MAP4K4: variants seen among roughly 807,000 people sequenced by gnomAD.
MAP4K4 encodes the protein HPK/GCK-like kinase HGK.
Under a neutral mutation model 189.6 loss-of-function variants are expected in MAP4K4, and 38 were observed. The ratio of observed to expected loss-of-function variants is 0.20; its 90% CI spans 0.15 to 0.26. MAP4K4 has a LOEUF of 0.26. Ranked by LOEUF, MAP4K4 falls within the 10% of genes least tolerant of loss-of-function variation. The probability of loss-of-function intolerance (pLI) is 1.00; values close to 1 mark genes in which losing one functional copy is unlikely to be tolerated. For synonymous variants in MAP4K4, 610 were observed against 624.3 expected, an observed-to-expected ratio of 0.98 and a Z score of 0.34; for missense variants, 1,054 against 1,726.9, an observed-to-expected ratio of 0.61 and a Z score of 6.91.
At chr2:101,780,846 A>G (rs1416017592) in intron 2 of MAP4K4, among the ~76,000 whole-genome samples, 1 of 152,256 alleles carries the variant, frequency 6.6e-6, no homozygotes, top group African/African-American at 2.4e-5. Flanking sequence ...TTGTATTACC[A>G]TATTGACTAA....
rs55937922 is a variant in MAP4K4, at chr2:101,863,999, A to T, written c.2045A>T (p.Asp682Val). The T allele has an allele frequency of 1.0e-5, 14 of 1,367,292 alleles. No homozygotes were observed. In the East Asian group the frequency reaches 5.9e-4, roughly 58 times the overall value. 84.7% of individuals were successfully genotyped at this position (1,367,292 alleles called of 1,614,324 possible). A position where few individuals can be genotyped will look rare whatever the true frequency, so the allele number is the denominator to read the frequency against. Residue 682 changes from aspartate to valine, a missense_variant, in exon 17 of 33, where the codon GAC (aspartate) becomes GTC (valine). Asp to Val is a radical substitution (Grantham distance 152, BLOSUM62 -3). Transcript: ENST00000324219. Reference sequence around the variant, plus strand: ...TCTGACTCTAAGTCAGAGGCGCCTGACCCTACCCAAAAGGCTTGGTCTAGA... The same window carrying T: ...TCTGACTCTAAGTCAGAGGCGCCTGTCCCTACCCAAAAGGCTTGGTCTAGA...
intron 3 of MAP4K4, among the ~76,000 whole-genome samples, chr2:101,813,320 T>C (rs948982557): frequency 7.2e-5 from 11 of 152,158 alleles, no homozygotes; most frequent in African/African-American, 2.7e-4. Flanking sequence ...TCAGTAGTAA[T>C]ATGTATTGTG....
At chr2:101,784,955 A>G (rs1484638310) in intron 2 of MAP4K4, among the ~76,000 whole-genome samples, 1 of 152,064 alleles carries the variant, frequency 6.6e-6, no homozygotes, top group Non-Finnish European at 1.5e-5. Context: ...TGGGGAGTAA[A>G]CAACAATGCA....
At position 101,851,724 on chromosome 2, in the gene MAP4K4, C is replaced by CTT. The variant is rs36217584; in HGVS notation, c.1234-4222_1234-4221dup. Among the ~76,000 whole-genome samples, 256 of 67,706 alleles carry CTT rather than the reference C, an allele frequency of 3.8e-3. 2 individuals carry two copies. Among genetic ancestry groups the CTT allele is most frequent in the Middle Eastern group, 0.012 (1 of 86 alleles). The allele number at this position is 67,706 out of a possible 152,430, so 44.4% of individuals were successfully genotyped here. A position where few individuals can be genotyped will look rare whatever the true frequency, so the allele number is the denominator to read the frequency against. On this transcript the variant is annotated intron_variant, in intron 12 of 32. Coordinates refer to ENST00000324219, the Ensembl canonical transcript of MAP4K4. ...TGGAAGAGAAGTTGGTAACTGTCCTCTTTTTTTTTTTTTTTTTTTTTTTTT... is the reference window on the plus strand; with the variant it reads ...TGGAAGAGAAGTTGGTAACTGTCCTCTTTTTTTTTTTTTTTTTTTTTTTTTTT...
chr2:101,714,139 A>G (rs1157834607), intron 2 of MAP4K4, among the ~76,000 whole-genome samples: 1 of 152,230 alleles, frequency 6.6e-6, no homozygotes, highest in Non-Finnish European at 1.5e-5. Context: ...GTGCTGCGGA[A>G]TGCTAAACAA....
At chr2:101,836,364 C>T (rs996955724) in intron 9 of MAP4K4, among the ~76,000 whole-genome samples, 1 of 152,146 alleles carries the variant, frequency 6.6e-6, no homozygotes, top group African/African-American at 2.4e-5. Context: ...CGGGGAGGAT[C>T]ACCTGAGGTC....
chr2:101,874,146 A>G (rs368278957), exon 26 of MAP4K4: 1 of 1,614,014 alleles, frequency 6.2e-7, no homozygotes, highest in East Asian at 2.2e-5. Context: ...GGAAAGGCTC[A>G]GTGGTCAATG....
At chr2:101,758,460 A>G (rs745446381) in intron 2 of MAP4K4, among the ~76,000 whole-genome samples, 1 of 152,180 alleles carries the variant, frequency 6.6e-6, no homozygotes, top group Non-Finnish European at 1.5e-5. Context: ...TATTGAAAAT[A>G]TATGCAGGAT....
chr2:101,735,218 G>A (rs985417015), intron 2 of MAP4K4, among the ~76,000 whole-genome samples: 10 of 152,146 alleles, frequency 6.6e-5, no homozygotes, highest in Admixed American at 5.9e-4. Flanking sequence ...AAGCAGGAAG[G>A]TTCTGGTGCT....
At position 101,885,038 on chromosome 2, in the gene MAP4K4, A is replaced by ATC. The variant is rs936368416; in HGVS notation, c.3521-139_3521-138dup. 5 of 481,810 alleles carry ATC rather than the reference A, an allele frequency of 1.0e-5. No individual in the cohort carries two copies. The South Asian group carries it at 1.1e-4, about 10-fold the overall frequency. 29.8% of individuals were successfully genotyped at this position (481,810 alleles called of 1,614,324 possible). On this transcript the variant is annotated intron_variant, in intron 28 of 32. Transcript: ENST00000324219. ...CTGGAAAAGGAAACTGTGAGGTGTG[A>ATC]TCTCTCTCTCTGAATTTTTCCCCTG... is the stretch of plus-strand genomic sequence containing the variant.
intron 2 of MAP4K4, among the ~76,000 whole-genome samples, chr2:101,722,327 G>C (rs1313202060): frequency 6.6e-6 from 1 of 151,778 alleles, no homozygotes; most frequent in Non-Finnish European, 1.5e-5. Flanking sequence ...CTGTCTACTG[G>C]AATTGGCCAA....
intron 2 of MAP4K4, among the ~76,000 whole-genome samples, chr2:101,700,062 C>G (rs1274081445): frequency 6.6e-6 from 1 of 152,124 alleles, no homozygotes; most frequent in African/African-American, 2.4e-5. Context: ...TTGTAGTCTT[C>G]CAAGTGAATT....
chr2:101,707,461 G>A (rs913758784), intron 2 of MAP4K4, among the ~76,000 whole-genome samples: 1 of 151,932 alleles, frequency 6.6e-6, no homozygotes, highest in Admixed American at 6.6e-5. Context: ...CCCCTGCCTG[G>A]GCCTCTCAAA....
At position 101,732,358 on chromosome 2, in the gene MAP4K4, GA is replaced by G. The variant is rs2058810570; in HGVS notation, c.123+33821del. Among the ~76,000 whole-genome samples, 3 of 152,216 alleles carry G rather than the reference GA, an allele frequency of 2.0e-5. No individual in the cohort carries two copies. The South Asian group carries it at 6.2e-4, about 31-fold the overall frequency. ...AGGGAGAATGGCAGGCAACCATTCA[GA>G]GAAAGTGGTTTTACCATCTCGAGGT... On this transcript the variant is annotated intron_variant, in intron 2 of 32. Transcript: ENST00000324219.
In MAP4K4 at chr2:101,853,707, C is replaced by T. The variant is rs528219807; in HGVS notation, c.1234-2270C>T. On this transcript the variant is annotated intron_variant, in intron 12 of 32. Transcript: ENST00000324219. The stretch of plus-strand genomic sequence containing the variant: ...GCTCACACAAAGGCACATACATTAT[C>T]GTGTATGTGCACATACATACATATA... Among the ~76,000 whole-genome samples, 5 of 152,192 alleles carry T rather than the reference C, an allele frequency of 3.3e-5. No homozygotes were observed. The South Asian group carries it at 6.2e-4, about 19-fold the overall frequency.
At chr2:101,773,639 A>G (rs1170814827) in intron 2 of MAP4K4, among the ~76,000 whole-genome samples, 2 of 152,202 alleles carry the variant, frequency 1.3e-5, no homozygotes, top group Non-Finnish European at 2.9e-5. Flanking sequence ...CAATTAAATT[A>G]TTATTGACTA....
chr2:101,714,389 T>C (rs562533416), intron 2 of MAP4K4, among the ~76,000 whole-genome samples: 1 of 152,358 alleles, frequency 6.6e-6, no homozygotes, highest in South Asian at 2.1e-4. Flanking sequence ...ATGCCATCTT[T>C]ATGCAACATA....
intron 3 of MAP4K4, among the ~76,000 whole-genome samples, chr2:101,800,443 A>G (rs1415161017): frequency 1.3e-5 from 2 of 152,260 alleles, no homozygotes; most frequent in Non-Finnish European, 2.9e-5. Flanking sequence ...TTTGAGCAGT[A>G]GCAAAAAATA....
intron 2 of MAP4K4, among the ~76,000 whole-genome samples, chr2:101,778,626 T>A (rs901797456): frequency 6.6e-6 from 1 of 152,040 alleles, no homozygotes; most frequent in Non-Finnish European, 1.5e-5. Context: ...TCGGAGAGGA[T>A]CTTCAGAAAA....
Sources: allele counts gnomAD v4.1 joint callset (sites outside exome capture counted in the v4.1 genomes callset), GRCh38; gene constraint gnomAD v4.1.1; transcripts MANE v1.5; gene names NCBI Gene and HGNC (gene_info 2026-07-23, HGNC 2026-07-21).